Variants in UPF3A observed in about 807,000 individuals in gnomAD.
UPF3A encodes the protein UPF3A regulator of nonsense mediated mRNA decay.
A neutral mutation model predicts 53.5 loss-of-function variants in UPF3A; 42 were observed. The observed-to-expected ratio is 0.78, with a 90% confidence interval of 0.61 to 1.01. The LOEUF (loss-of-function observed/expected upper bound fraction) is 1.01, where lower values mean the gene tolerates loss of function less well. Ranked by LOEUF, UPF3A falls within the 50% of genes least tolerant of loss-of-function variation. The pLI, the probability that UPF3A is intolerant of heterozygous loss-of-function variation, is 0.00. For synonymous variants in UPF3A, 237 were observed against 225.3 expected (o/e 1.05, Z -0.47); for missense variants, 575 against 598.0 (o/e 0.96, Z 0.40).
At position 114,304,891 on chromosome 13, in the gene UPF3A, C is replaced by T. The variant is rs1165158917; in HGVS notation, c.1405C>T (p.Pro469Ser). ...ICKAEGSGTG[P>S]EKREEAE ...CAAGGCAGAAGGTTCGGGGACTGGT[C>T]CTGAGAAGAGGGAAGAGGCAGAGTG... Residue 469 changes from proline to serine, a missense_variant, in exon 10 of 10, where the codon CCT becomes TCT. Coordinates refer to ENST00000375299, the MANE Select transcript of UPF3A (RefSeq NM_023011.4). 3.1e-6 allele frequency: 5 copies of T among 1,613,476 alleles called. No individual in the cohort carries two copies. The highest frequency in any genetic ancestry group is 4.2e-6 in the Non-Finnish European group (5 of 1,179,740).
At chr13:114,284,085 C>G (rs974830194) in intron 3 of UPF3A, 1 of 985,130 alleles carries the variant, frequency 1.0e-6, no homozygotes, top group East Asian at 1.1e-4. Flanking sequence ...ATTGGTGGGC[C>G]GGGCACAGTG....
At chr13:114,299,792 G>T (rs552775037) in intron 8 of UPF3A, among the ~76,000 whole-genome samples, 1 of 152,288 alleles carries the variant, frequency 6.6e-6, no homozygotes, top group South Asian at 2.1e-4. Context: ...ACTGCCTCTC[G>T]CCACCCACAG....
At chr13:114,293,170 G>A (rs994830200) in intron 7 of UPF3A, among the ~76,000 whole-genome samples, 2 of 150,914 alleles carry the variant, frequency 1.3e-5, no homozygotes, top group Non-Finnish European at 2.9e-5. Flanking sequence ...GATTACTTGA[G>A]TTCAGGAGTT....
rs957668816 is a variant in UPF3A at position 114,286,196 on chromosome 13, C to T, written c.422-106C>T. 3.4e-5 allele frequency: 45 copies of T among 1,326,392 alleles called. No individual in the cohort carries two copies. In the Middle Eastern group the frequency reaches 1.1e-3, roughly 34 times the overall value. 82.2% of individuals were successfully genotyped at this position (1,326,392 alleles called of 1,614,324 possible). A position where few individuals can be genotyped will look rare whatever the true frequency, so the allele number is the denominator to read the frequency against. On this transcript the variant is annotated intron_variant, in intron 3 of 9. Transcript: ENST00000375299. ...AATTATAGTTTAAATAGTAATAATG[C>T]ATTGTCGTTGTTACACTTACTCTTT...
chr13:114,302,304 C>T (rs577962641), intron 9 of UPF3A, among the ~76,000 whole-genome samples: 26 of 152,230 alleles, frequency 1.7e-4, no homozygotes, highest in African/African-American at 5.5e-4. Context: ...ATTAAATTTA[C>T]CCTTGAGACA....
chr13:114,295,666 C>G (rs1165879708), intron 7 of UPF3A, among the ~76,000 whole-genome samples: 1 of 152,172 alleles, frequency 6.6e-6, no homozygotes, highest in Non-Finnish European at 1.5e-5. Flanking sequence ...TTATCTTATT[C>G]CTTTGTTTCC....
chr13:114,289,604 C>A (rs969767765), intron 5 of UPF3A, among the ~76,000 whole-genome samples: 1 of 151,296 alleles, frequency 6.6e-6, no homozygotes, highest in Non-Finnish European at 1.5e-5. Context: ...CCAGTGGATT[C>A]TTCTGCACAG....
chr13:114,284,010 G>T, intron 3 of UPF3A: 1 of 985,396 alleles, frequency 1.0e-6, no homozygotes, highest in African/African-American at 1.7e-5. Context: ...TGCTTGAACT[G>T]ACCTTTGTGT....
chr13:114,296,418 G>C (rs967151411), intron 7 of UPF3A, among the ~76,000 whole-genome samples: 1 of 152,072 alleles, frequency 6.6e-6, no homozygotes, highest in African/African-American at 2.4e-5. Context: ...CTTCCGGGTT[G>C]GTGAGCACAT....
chr13:114,283,710 AACTCTACTCT>A (rs1192093161), intron 3 of UPF3A: 2 of 975,432 alleles, frequency 2.1e-6, no homozygotes, highest in African/African-American at 3.5e-5. Context: ...AGCAGTCTTC[AACTCTACTCT>A]CAATAGTTCC....
intron 5 of UPF3A, among the ~76,000 whole-genome samples, chr13:114,289,760 C>T (rs1165227682): frequency 6.6e-6 from 1 of 152,156 alleles, no homozygotes; most frequent in Admixed American, 6.5e-5. Context: ...CTTCTGTTTA[C>T]TTGTGTTCTG....
intron 7 of UPF3A, among the ~76,000 whole-genome samples, chr13:114,292,141 G>A: frequency 6.6e-6 from 1 of 151,374 alleles, no homozygotes; most frequent in Non-Finnish European, 1.5e-5. Context: ...TCGGCTCAAG[G>A]CGTACATGTG....
intron 3 of UPF3A, 53 bp downstream of exon 3, chr13:114,282,996 A>G: frequency 8.0e-7 from 1 of 1,255,508 alleles, no homozygotes; most frequent in South Asian, 1.3e-5. Context: ...ATACTAATGA[A>G]GTATTGCTAG....
rs1161026681 is a variant in UPF3A, at chr13:114,282,159, G to A, written c.314+32G>A. The A allele has an allele frequency of 4.0e-6, 6 of 1,517,416 alleles. No individual in the cohort carries two copies. The Admixed American group carries it at 1.0e-4, about 26-fold the overall frequency. The allele number at this position is 1,517,416 out of a possible 1,614,324, so 94.0% of individuals were successfully genotyped here. On this transcript the variant is annotated intron_variant, in intron 2 of 9. Coordinates refer to ENST00000375299, the MANE Select transcript of UPF3A (RefSeq NM_023011.4). ...CCCGCCCCGAGGGGAGGAAGAGAGG[G>A]CGGAACCCAGAGCTCGGCGGCGGTG...
chr13:114,296,083 C>T (rs934901183), intron 7 of UPF3A, among the ~76,000 whole-genome samples: 8 of 152,200 alleles, frequency 5.3e-5, no homozygotes, highest in Non-Finnish European at 4.4e-5. Context: ...TTAATAATGC[C>T]TAAAGACAGG....
At chr13:114,299,044 T>C in intron 8 of UPF3A, 44 bp downstream of exon 8, 4 of 1,530,182 alleles carry the variant, frequency 2.6e-6, no homozygotes, top group Non-Finnish European at 3.5e-6. Context: ...CTCCCAGTCA[T>C]GGTGACGTAG....
In UPF3A at chr13:114,286,623, C is replaced by G. The variant is rs920046854; in HGVS notation, c.625C>G (p.Leu209Val). Residue 209 changes from leucine (L) to valine (V), a missense_variant, in exon 5 of 10, where the codon CTC (leucine) becomes GTC (valine). Around this residue, in one of 2 missense-constraint regions of UPF3A, gnomAD observed 323 missense variants for 415.2 expected, o/e 0.78. Transcript: ENST00000375299. ...LGEMEAKTRE[L>V]IARRTTPLLE... ...GGAGATGGAGGCGAAGACAAGAGAG[C>G]TCATTGGTCTGTTTTGCTCATTTCT... 6.8e-6 allele frequency: 11 copies of G among 1,611,466 alleles called. No homozygotes were observed. The highest frequency in any genetic ancestry group is 9.3e-6 in the Non-Finnish European group (11 of 1,178,872).
chr13:114,282,608 G>A, intron 2 of UPF3A: 1 of 985,492 alleles, frequency 1.0e-6, no homozygotes, highest in Non-Finnish European at 1.2e-6. Context: ...TTCAGCCTCG[G>A]AGGACCGGTT....
chr13:114,283,746 A>G (rs2084368496), intron 3 of UPF3A: 5 of 985,350 alleles, frequency 5.1e-6, no homozygotes, highest in Non-Finnish European at 6.0e-6. Context: ...CAGTACTTCT[A>G]GGGTTCTGCT....
Sources: allele counts gnomAD v4.1 joint callset (sites outside exome capture counted in the v4.1 genomes callset), GRCh38; gene constraint gnomAD v4.1.1; regional missense constraint gnomAD v4.1.1; transcripts MANE v1.5; gene names NCBI Gene and HGNC (gene_info 2026-07-23, HGNC 2026-07-21).